The following DGKZ variants were observed in gnomAD, a reference collection of about 807,000 sequenced individuals.
The protein encoded by DGKZ is diacylglycerol kinase zeta, also known as DAG kinase zeta.
A neutral mutation model predicts 142.5 loss-of-function variants in DGKZ; 45 were observed. That is an observed-to-expected ratio of 0.32 (90% confidence interval 0.25 to 0.40). DGKZ has a LOEUF of 0.40. Among genes scored for constraint, DGKZ ranks in the 10% least tolerant of loss-of-function variants. DGKZ has a pLI of 1.00. For missense variants in DGKZ, 755 were observed against 1,306.5 expected (o/e 0.58, Z 6.51); for synonymous variants, 442 against 527.0 (o/e 0.84, Z 2.21).
At chr11:46,333,130 C>G in exon 1 of DGKZ, 1 of 640,520 alleles carries the variant, frequency 1.6e-6, no homozygotes, top group Non-Finnish European at 2.2e-6. Flanking sequence ...CTCCTGTCGT[C>G]TAAGCGTCGG....
intron 25 of DGKZ, 147 bp downstream of exon 25, chr11:46,377,359 A>G (rs1217578745): frequency 4.3e-6 from 6 of 1,393,644 alleles, no homozygotes; most frequent in African/African-American, 1.5e-5. Flanking sequence ...GACGGCCTTC[A>G]GCCCTGTGGT....
At position 46,378,517 on chromosome 11, in the gene DGKZ, C is replaced by T; in HGVS notation, c.2418+17C>T. On this transcript the variant is annotated intron_variant, in intron 27 of 30. Transcript: ENST00000527911. The stretch of plus-strand genomic sequence containing the variant: ...TTCTGTAAGGTACTAGCTCCAGGCT[C>T]CAGTTCCTTCCCCCAGCAGCTCCCT... 1.2e-6 allele frequency: 2 copies of T among 1,613,030 alleles called. No homozygotes were observed. Among genetic ancestry groups the T allele is most frequent in the Non-Finnish European group, 1.7e-6 (2 of 1,179,904 alleles).
At chr11:46,362,954 G>A (rs186596753) in intron 1 of DGKZ, among the ~76,000 whole-genome samples, 10 of 152,194 alleles carry the variant, frequency 6.6e-5, no homozygotes, top group Admixed American at 6.5e-4. Flanking sequence ...GGGTTGATGG[G>A]GTCCCCTGAG....
intron 1 of DGKZ, among the ~76,000 whole-genome samples, chr11:46,361,264 G>T (rs376354010): frequency 4.3e-4 from 65 of 152,284 alleles, no homozygotes; most frequent in African/African-American, 1.5e-3. Context: ...TTAGTGGGGG[G>T]CCCCCTCCCT....
intron 1 of DGKZ, among the ~76,000 whole-genome samples, chr11:46,351,701 G>A (rs1565009052): frequency 1.3e-5 from 2 of 152,158 alleles, no homozygotes; most frequent in Admixed American, 1.3e-4. Context: ...AGAATCCTTG[G>A]GTTCCAGCAA....
In DGKZ at chr11:46,347,543, G is replaced by C. The variant is rs553702231; in HGVS notation, c.-117G>C. 5.7e-4 allele frequency: 561 copies of C among 985,446 alleles called. 2 individuals carry two copies. The African/African-American group carries it at 9.6e-3, about 17-fold the overall frequency. The allele number at this position is 985,446 out of a possible 1,614,324, so 61.0% of individuals were successfully genotyped here. A position where few individuals can be genotyped will look rare whatever the true frequency, so the allele number is the denominator to read the frequency against. ...CGGGGGCGCGCGGCGCGGGGCGGGC[G>C]GAGCGAGCGCGCGCCATGGAGGTGG... On this transcript the variant is annotated 5_prime_UTR_variant, in exon 1 of 31. Transcript: ENST00000527911. The surrounding 1 kb of genome is among the most constrained non-coding windows in gnomAD (Gnocchi z 6.4).
At chr11:46,356,377 A>G (rs973684467) in intron 1 of DGKZ, among the ~76,000 whole-genome samples, 1 of 152,150 alleles carries the variant, frequency 6.6e-6, no homozygotes, top group Non-Finnish European at 1.5e-5. Context: ...AGCGGGATCC[A>G]TGAGGCTGAG....
chr11:46,356,647 G>C (rs1267344759), intron 1 of DGKZ, among the ~76,000 whole-genome samples: 1 of 152,166 alleles, frequency 6.6e-6, no homozygotes, highest in Non-Finnish European at 1.5e-5. Flanking sequence ...GGGACCCGCG[G>C]TGTTTTGTTT....
intron 1 of DGKZ, among the ~76,000 whole-genome samples, chr11:46,355,590 G>A (rs1478699584): frequency 1.3e-5 from 2 of 152,182 alleles, no homozygotes; most frequent in Admixed American, 1.3e-4. Context: ...TAGCTGGTCA[G>A]AGGCAGATCC....
At chr11:46,364,496 G>A (rs1427370469) in intron 1 of DGKZ, 1 of 1,237,256 alleles carries the variant, frequency 8.1e-7, no homozygotes, top group Non-Finnish European at 1.0e-6. Context: ...GCACTATTTG[G>A]GGTCATAAGA....
chr11:46,348,649 C>T (rs1454632234), intron 1 of DGKZ, among the ~76,000 whole-genome samples: 4 of 152,172 alleles, frequency 2.6e-5, no homozygotes, highest in African/African-American at 7.2e-5. Context: ...AGGACTCTAG[C>T]GGGGAACCGG....
chr11:46,365,979 G>A (rs1295721152), intron 1 of DGKZ: 8 of 985,154 alleles, frequency 8.1e-6, no homozygotes, highest in African/African-American at 3.5e-5. Context: ...GGCTCCCTAG[G>A]GTGCAATGGG....
intron 1 of DGKZ, chr11:46,366,244 C>G (rs768165684): frequency 6.4e-7 from 1 of 1,562,862 alleles, no homozygotes; most frequent in Non-Finnish European, 8.6e-7. Context: ...TGCCCAACAG[C>G]CAACCGCCTG....
At chr11:46,366,289 GA>G in intron 1 of DGKZ, 1 of 1,584,088 alleles carries the variant, frequency 6.3e-7, no homozygotes, top group Admixed American at 1.7e-5. Flanking sequence ...ATTTCCGGGG[GA>G]AGGTGCCAGG....
chr11:46,364,620 C>CT, intron 1 of DGKZ: 4 of 985,476 alleles, frequency 4.1e-6, no homozygotes, highest in Non-Finnish European at 4.8e-6. Context: ...CTGTCCATCT[C>CT]TCCCCCAACA....
At chr11:46,364,462 C>T (rs2136452333) in intron 1 of DGKZ, 1 of 1,271,914 alleles carries the variant, frequency 7.9e-7, no homozygotes, top group Admixed American at 2.4e-5. Flanking sequence ...CTCCCTCCGG[C>T]CCAGGTGGTC....
upstream of DGKZ, among the ~76,000 whole-genome samples, chr11:46,343,412 G>C (rs1940373783): frequency 6.6e-6 from 1 of 152,218 alleles, no homozygotes; most frequent in Non-Finnish European, 1.5e-5. Context: ...ATAGCATCTT[G>C]AAGGGTTCTG....
At position 46,367,857 on chromosome 11, in the gene DGKZ, C is replaced by T. The variant is rs1943496360; in HGVS notation, c.366+110C>T. The T allele has an allele frequency of 6.5e-7, 1 of 1,530,100 alleles. No individual in the cohort carries two copies. Among genetic ancestry groups the T allele is most frequent in the Non-Finnish European group, 9.0e-7 (1 of 1,108,746 alleles). 94.8% of individuals were successfully genotyped at this position (1,530,100 alleles called of 1,614,324 possible). On this transcript the variant is annotated intron_variant, in intron 3 of 30. Coordinates refer to ENST00000527911, the Ensembl canonical transcript of DGKZ. The surrounding 1 kb of genome is among the most constrained non-coding windows in gnomAD (Gnocchi z 4.1). ...CCTGGCACCCCTGCTGTGGGCCGCC[C>T]CAGGATGGTGAGGGGTGCAGGGGCT... is the stretch of plus-strand genomic sequence containing the variant.
upstream of DGKZ, chr11:46,345,400 G>C: frequency 7.0e-7 from 1 of 1,423,378 alleles, no homozygotes; most frequent in African/African-American, 1.5e-5. The surrounding 1 kb of genome is among the most constrained non-coding windows in gnomAD (Gnocchi z 4.1). Flanking sequence ...GAAGAGAGTC[G>C]CCGGGCAGGA....
Sources: allele counts gnomAD v4.1 joint callset (sites outside exome capture counted in the v4.1 genomes callset), GRCh38; gene constraint gnomAD v4.1.1; non-coding constraint Gnocchi (gnomAD v3.1); transcripts MANE v1.5; gene names NCBI Gene and HGNC (gene_info 2026-07-23, HGNC 2026-07-21).